DUOX2: variants seen among roughly 807,000 people sequenced by gnomAD.
DUOX2 encodes dual oxidase 2.
A neutral mutation model predicts 183.3 loss-of-function variants in DUOX2; 185 were observed. The ratio of observed to expected loss-of-function variants is 1.01; its 90% CI spans 0.90 to 1.14. The LOEUF (loss-of-function observed/expected upper bound fraction) is 1.14, where lower values mean the gene tolerates loss of function less well. Ranked by LOEUF, DUOX2 falls within the 50% of genes most tolerant of loss-of-function variation. DUOX2 has a pLI of 0.00. For synonymous variants in DUOX2, 788 were observed against 812.4 expected (o/e 0.97, Z 0.51); for missense variants, 1,999 against 2,022.9 (o/e 0.99, Z 0.23).
Position 45,106,627 on chromosome 15 carries a change from A to T in DUOX2, c.1846T>A (p.Ser616Thr). ...CCLPLVSLLL[S>T]GVVAYFRGRE... ...CCCCGGAAATAGGCCACCACTCCAG[A>T]GAGAAGCAGACTCACTGAAGTGGAT... is the stretch of plus-strand genomic sequence containing the variant. Residue 616 changes from serine to threonine, a missense_variant, in exon 16 of 34, where the codon TCT becomes ACT. Ser to Thr is a moderately conservative substitution (Grantham distance 58). Around this residue, in one of 3 missense-constraint regions of DUOX2, gnomAD observed 1,628 missense variants for 1,608.6 expected, o/e 1.01. Transcript: ENST00000389039. The T allele has an allele frequency of 1.2e-6, 2 of 1,614,138 alleles. No homozygotes were observed. Among genetic ancestry groups the T allele is most frequent in the Non-Finnish European group, 1.7e-6 (2 of 1,180,030 alleles).
chr15:45,098,059 C>G lies in DUOX2; in HGVS notation c.3516-1G>C, dbSNP rs764517475. The G allele has an allele frequency of 2.9e-5, 46 of 1,613,926 alleles. No homozygotes were observed. Among genetic ancestry groups the G allele is most frequent in the Non-Finnish European group, 3.9e-5 (46 of 1,179,962 alleles). ...ATAGAACTTCTGGGGAAGCTTGGAC[C>G]TGGGGGGCAAAGGCACCTTGAGCCT... On this transcript the variant is annotated splice_acceptor_variant, in intron 26 of 33. Coordinates refer to ENST00000389039, the MANE Select transcript of DUOX2 (RefSeq NM_001363711.2). LOFTEE classifies it high-confidence loss of function.
intron 9 of DUOX2, among the ~76,000 whole-genome samples, 170 bp from the exon 10 acceptor site, chr15:45,110,150 C>T (rs1309311375): frequency 1.3e-5 from 2 of 152,122 alleles, no homozygotes; most frequent in Admixed American, 6.5e-5. Context: ...ATAGAGTGCG[C>T]TCCTAGTCCA....
chr15:45,107,560 G>A, intron 13 of DUOX2, 97 bp from the exon 14 acceptor site: 2 of 1,309,850 alleles, frequency 1.5e-6, no homozygotes, highest in Non-Finnish European at 2.2e-6. Context: ...GAGACCCAGA[G>A]GGGCTGGGTG....
chr15:45,095,356 T>G, intron 31 of DUOX2, 81 bp downstream of exon 31: 2 of 1,589,926 alleles, frequency 1.3e-6, no homozygotes, highest in Non-Finnish European at 8.6e-7. Flanking sequence ...GCCAGGAGCT[T>G]TCTCTCATGC....
chr15:45,107,492 G>A (rs777220942), intron 13 of DUOX2, 29 bp from the exon 14 acceptor site: 11 of 1,611,282 alleles, frequency 6.8e-6, no homozygotes, highest in Non-Finnish European at 1.7e-6. Context: ...AAGTCACTGG[G>A]ATGGGAAGGG....
chr15:45,094,767 G>A, intron 32 of DUOX2, 76 bp from the exon 33 acceptor site: 1 of 1,604,066 alleles, frequency 6.2e-7, no homozygotes, highest in Non-Finnish European at 8.5e-7. Context: ...CATAGCCCAA[G>A]AGACAGAGAA....
At chr15:45,101,760 C>A in intron 21 of DUOX2, 33 bp downstream of exon 21, 1 of 1,614,146 alleles carries the variant, frequency 6.2e-7, no homozygotes, top group Non-Finnish European at 8.5e-7. Flanking sequence ...CACGCCCCCC[C>A]TCCCTGACGC....
chr15:45,103,378 C>G (rs1894129093), intron 20 of DUOX2, among the ~76,000 whole-genome samples: 1 of 152,212 alleles, frequency 6.6e-6, no homozygotes. Context: ...AAGCCCTGCC[C>G]TTATGGCATG....
intron 27 of DUOX2, 54 bp from the exon 28 acceptor site, chr15:45,097,795 G>A (rs1893946006): frequency 6.2e-7 from 1 of 1,613,454 alleles, no homozygotes; most frequent in Admixed American, 1.7e-5. Flanking sequence ...AGCTTGGGCT[G>A]AAAAGACAAC....
In DUOX2 at chr15:45,111,383, C is replaced by T. The variant is rs915757786; in HGVS notation, c.715+1G>A. ...GCCCCGTCCCGCCCCTGTGGCCTCACCGTACAGCCCCCGGGGCCCGTTCTG... is the reference window on the plus strand; with the variant it reads ...GCCCCGTCCCGCCCCTGTGGCCTCATCGTACAGCCCCCGGGGCCCGTTCTG... On this transcript the variant is annotated splice_donor_variant, in intron 6 of 33. Transcript: ENST00000389039. LOFTEE classifies it high-confidence loss of function. 6.9e-7 allele frequency: 1 copy of T among 1,441,660 alleles called. No homozygotes were observed. Among genetic ancestry groups the T allele is most frequent in the Admixed American group, 2.7e-5 (1 of 36,482 alleles). 89.3% of individuals were successfully genotyped at this position (1,441,660 alleles called of 1,614,324 possible). A position where few individuals can be genotyped will look rare whatever the true frequency, so the allele number is the denominator to read the frequency against.
chr15:45,109,078 A>T, intron 11 of DUOX2, 126 bp from the exon 12 acceptor site: 32 of 1,259,632 alleles, frequency 2.5e-5, no homozygotes, highest in Non-Finnish European at 3.5e-5. Flanking sequence ...TCCACATGAG[A>T]TCTGTGCCCA....
chr15:45,100,324 A>G (rs1306074830), intron 23 of DUOX2, 96 bp from the exon 24 acceptor site: 4 of 1,247,660 alleles, frequency 3.2e-6, no homozygotes, highest in Non-Finnish European at 4.5e-6. Flanking sequence ...TCTGGCAGGC[A>G]TCAGGATGGG....
rs772033228 is a variant in DUOX2, at chr15:45,094,288, A to G, written c.4525-16T>C. The G allele has an allele frequency of 1.2e-6, 2 of 1,612,968 alleles. No individual in the cohort carries two copies. Among genetic ancestry groups the G allele is most frequent in the Non-Finnish European group, 1.7e-6 (2 of 1,179,324 alleles). ...TCTTGCGCACCTGTCAGGAGATTGG[A>G]GAGAGAGAGGGGCCTGCAGCCTAAA... On this transcript the variant is annotated splice_polypyrimidine_tract_variant and intron_variant, in intron 33 of 33. Coordinates refer to ENST00000389039, the MANE Select transcript of DUOX2 (RefSeq NM_001363711.2).
chr15:45,107,009 C>T, intron 14 of DUOX2, 40 bp from the exon 15 acceptor site: 1 of 1,559,560 alleles, frequency 6.4e-7, no homozygotes, highest in Non-Finnish European at 8.7e-7. Context: ...GTCTGAGGAT[C>T]CCGCTATGTG....
At chr15:45,097,464 C>A (rs1163714470) in intron 28 of DUOX2, 73 bp from the exon 29 acceptor site, 1 of 1,612,776 alleles carries the variant, frequency 6.2e-7, no homozygotes, top group African/African-American at 1.3e-5. Context: ...TGCCCAGGCA[C>A]TAGGCCTGTG....
rs1566976643 is a variant in DUOX2, at chr15:45,108,156, GC to G, written c.1464del (p.Leu489SerfsTer97). ...DLSQLELLLGGLLESHGDPGP... is the reference protein window; with the variant it reads ...DLSQLELLLGXLLESHGDPGP... ...CCAGGGTCCCCATGGCTCTCCAGGA[GC>G]CCCCCAAGGAGCAGCTCTAGCTGGG... On this transcript the variant is annotated frameshift_variant, in exon 13 of 34. Transcript: ENST00000389039. LOFTEE classifies it high-confidence loss of function. 5.6e-6 allele frequency: 9 copies of G among 1,614,044 alleles called. No individual in the cohort carries two copies. The highest frequency in any genetic ancestry group is 3.3e-4 in the Middle Eastern group (2 of 6,084).
intron 13 of DUOX2, 45 bp from the exon 14 acceptor site, chr15:45,107,508 A>C: frequency 6.3e-7 from 1 of 1,594,814 alleles, no homozygotes; most frequent in Non-Finnish European, 8.6e-7. Flanking sequence ...AAGGGGATGC[A>C]GGCCTCCAGC....
intron 11 of DUOX2, 132 bp downstream of exon 11, chr15:45,109,392 T>C (rs1453041166): frequency 4.0e-6 from 3 of 753,030 alleles, no homozygotes; most frequent in Non-Finnish European, 6.9e-6. Flanking sequence ...TTTCTTCTTA[T>C]GGCTCCTTGA....
At chr15:45,095,411 T>G in intron 31 of DUOX2, 26 bp downstream of exon 31, 1 of 1,614,052 alleles carries the variant, frequency 6.2e-7, no homozygotes, top group South Asian at 1.1e-5. Flanking sequence ...TATGCCCCAT[T>G]TGATGAATGA....
Sources: allele counts gnomAD v4.1 joint callset (sites outside exome capture counted in the v4.1 genomes callset), GRCh38; gene constraint gnomAD v4.1.1; regional missense constraint gnomAD v4.1.1; transcripts MANE v1.5; gene names NCBI Gene and HGNC (gene_info 2026-07-23, HGNC 2026-07-21).